The following GLRA2 variants were observed in gnomAD, a reference collection of about 807,000 sequenced individuals.
The protein encoded by GLRA2 is glycine receptor alpha 2, also known as glycine receptor subunit alpha-2.
A neutral mutation model predicts 31.6 loss-of-function variants in GLRA2; 11 were observed. That is an observed-to-expected ratio of 0.35 (90% confidence interval 0.22 to 0.58). The LOEUF is 0.58. Ranked by LOEUF, GLRA2 falls within the 20% of genes least tolerant of loss-of-function variation. The pLI, the probability that GLRA2 is intolerant of heterozygous loss-of-function variation, is 0.84. For synonymous variants in GLRA2, 132 were observed against 134.0 expected, an observed-to-expected ratio of 0.99 and a Z score of 0.10; for missense variants, 212 against 351.8, an observed-to-expected ratio of 0.60 and a Z score of 3.18.
chrX:14,666,447 T>C lies in GLRA2; in HGVS notation c.931-24263T>C, dbSNP rs932131746. On this transcript the variant is annotated intron_variant, in intron 7 of 8. Coordinates refer to ENST00000218075, the MANE Select transcript of GLRA2 (RefSeq NM_002063.4). ...GAAAGTTAGCCCCTCTCTGATAGCATTGATGTCAAGAAACAGCAGTTTTCC... is the reference window on the plus strand; with the variant it reads ...GAAAGTTAGCCCCTCTCTGATAGCACTGATGTCAAGAAACAGCAGTTTTCC... Among the ~76,000 whole-genome samples the C allele has an allele frequency of 6.3e-5, 7 of 111,997 alleles. No individual in the cohort carries two copies. In the Admixed American group the frequency reaches 6.7e-4, roughly 11 times the overall value.
chrX:14,499,891 C>A, the GLRA2 span, among the ~76,000 whole-genome samples: 1 of 111,079 alleles, frequency 9.0e-6, no homozygotes, highest in East Asian at 2.8e-4. Context: ...TTATTCAGGT[C>A]TTTTGCCCAT....
intron 2 of GLRA2, among the ~76,000 whole-genome samples, chrX:14,556,961 T>TG (rs1475215497): frequency 9.0e-6 from 1 of 111,347 alleles, no homozygotes; most frequent in Non-Finnish European, 1.9e-5. Flanking sequence ...AAATATTTGT[T>TG]GATTTAATAA....
At chrX:14,705,999 G>A (rs988321306) in intron 8 of GLRA2, among the ~76,000 whole-genome samples, 3 of 91,155 alleles carry the variant, frequency 3.3e-5, no homozygotes, top group Non-Finnish European at 4.7e-5. Flanking sequence ...ATTACAGCAT[G>A]GTTCTCAATC....
the GLRA2 span, among the ~76,000 whole-genome samples, chrX:14,449,315 G>A: frequency 1.8e-5 from 2 of 112,350 alleles, no homozygotes; most frequent in South Asian, 7.3e-4. Flanking sequence ...CTCTCCCACT[G>A]TGGACCTCTG....
chrX:14,455,674 A>C, the GLRA2 span, among the ~76,000 whole-genome samples: 1 of 111,717 alleles, frequency 9.0e-6, no homozygotes, highest in African/African-American at 3.2e-5. Context: ...GTTCCTGATA[A>C]ATATATTTAC....
upstream of GLRA2, among the ~76,000 whole-genome samples, chrX:14,527,246 T>G (rs1172601463): frequency 8.9e-6 from 1 of 111,749 alleles, no homozygotes; most frequent in African/African-American, 3.3e-5. Context: ...TGTGATTTCA[T>G]GCTGCTGGCC....
the GLRA2 span, among the ~76,000 whole-genome samples, chrX:14,471,471 A>AT: frequency 8.9e-6 from 1 of 111,956 alleles, no homozygotes; most frequent in African/African-American, 3.2e-5. Flanking sequence ...AGTTTACGGG[A>AT]TGTAAACAGT....
Position 14,598,138 on chromosome X carries a change from A to AC in GLRA2, c.495-6172dup, listed in dbSNP as rs779935066. Among the ~76,000 whole-genome samples the AC allele has an allele frequency of 3.6e-5, 4 of 111,195 alleles. No homozygotes were observed. The East Asian group carries it at 1.1e-3, about 32-fold the overall frequency. The stretch of plus-strand genomic sequence containing the variant: ...GTGGTCCCAACAGAGGAACAGCAAT[A>AC]CCCCCAAGACTCTCTTGTTCGTCCT... On this transcript the variant is annotated intron_variant, in intron 4 of 8. Coordinates refer to ENST00000218075, the MANE Select transcript of GLRA2 (RefSeq NM_002063.4).
chrX:14,518,091 T>C, the GLRA2 span, among the ~76,000 whole-genome samples: 1 of 111,370 alleles, frequency 9.0e-6, no homozygotes, highest in Non-Finnish European at 1.9e-5. Flanking sequence ...AAATGGTCAG[T>C]AAACATATTG....
the GLRA2 span, among the ~76,000 whole-genome samples, chrX:14,449,938 A>G: frequency 6.3e-5 from 7 of 111,771 alleles, no homozygotes; most frequent in Admixed American, 3.8e-4. Context: ...CCCTCCCTGC[A>G]CAAGACCAGT....
chrX:14,672,546 A>G (rs995200862), intron 7 of GLRA2, among the ~76,000 whole-genome samples: 5 of 105,573 alleles, frequency 4.7e-5, no homozygotes, highest in Non-Finnish European at 8.0e-5. Flanking sequence ...GTATTTAACT[A>G]TTAATGGGTG....
At chrX:14,565,949 T>C (rs1035525573) in intron 2 of GLRA2, among the ~76,000 whole-genome samples, 6 of 111,501 alleles carry the variant, frequency 5.4e-5, no homozygotes, top group Non-Finnish European at 1.1e-4. Flanking sequence ...CCCAAAGTTA[T>C]CAGAGAAAGT....
At chrX:14,633,368 A>G (rs182840987) in intron 7 of GLRA2, among the ~76,000 whole-genome samples, 5 of 111,350 alleles carry the variant, frequency 4.5e-5, no homozygotes, top group African/African-American at 1.6e-4. Flanking sequence ...GGTGGTGAAC[A>G]CCTGTAGTCT....
At chrX:14,664,681 AC>A (rs1446137590) in intron 7 of GLRA2, among the ~76,000 whole-genome samples, 5 of 112,148 alleles carry the variant, frequency 4.5e-5, no homozygotes, top group African/African-American at 1.6e-4. Flanking sequence ...ACTTGTCCAT[AC>A]ATTCAAGGTC....
chrX:14,465,480 A>G, the GLRA2 span, among the ~76,000 whole-genome samples: 3 of 112,413 alleles, frequency 2.7e-5, no homozygotes, highest in African/African-American at 9.7e-5. Flanking sequence ...TAGGACTTCC[A>G]GTATTATAAT....
At chrX:14,681,910 A>ATATATATATATATGTATGT (rs1556060453) in intron 7 of GLRA2, among the ~76,000 whole-genome samples, 1 of 41,294 alleles carries the variant, frequency 2.4e-5, no homozygotes, top group African/African-American at 1.2e-4. Flanking sequence ...AAAAAAAAAA[A>ATATATATATATATGTATGT]ATATATATAT....
At chrX:14,673,401 G>T (rs2091113708) in intron 7 of GLRA2, among the ~76,000 whole-genome samples, 1 of 111,853 alleles carries the variant, frequency 8.9e-6, no homozygotes, top group African/African-American at 3.3e-5. Context: ...ATCCATAATT[G>T]TTATGAGATG....
At chrX:14,613,178 G>A (rs1345667405) in intron 7 of GLRA2, among the ~76,000 whole-genome samples, 2 of 111,099 alleles carry the variant, frequency 1.8e-5, no homozygotes, top group African/African-American at 3.3e-5. Flanking sequence ...CTACATCGTC[G>A]GTATTCATCT....
intron 2 of GLRA2, among the ~76,000 whole-genome samples, chrX:14,540,186 G>T (rs2089382511): frequency 9.0e-6 from 1 of 111,153 alleles, no homozygotes; most frequent in African/African-American, 3.3e-5. Flanking sequence ...CAGGATATTT[G>T]CAGGAAAGAG....
Sources: gnomAD v4.1 joint callset for allele counts (sites outside exome capture counted in the v4.1 genomes callset) on GRCh38, gnomAD v4.1.1 for gene constraint, MANE v1.5 for transcripts, NCBI Gene and HGNC (gene_info 2026-07-23, HGNC 2026-07-21) for gene names.